The following USP19 variants were observed in gnomAD, a reference collection of about 807,000 sequenced individuals.
USP19 encodes the protein ubiquitin carboxyl-terminal hydrolase 19.
A neutral mutation model predicts 144.8 loss-of-function variants in USP19; 40 were observed. The observed-to-expected ratio is 0.28, with a 90% CI of 0.21 to 0.36. USP19 has a LOEUF of 0.36. USP19 is among the 10% of genes least tolerant of loss of function. The probability of loss-of-function intolerance (pLI) is 1.00; values close to 1 mark genes in which losing one functional copy is unlikely to be tolerated. For synonymous variants in USP19, 701 were observed against 709.3 expected (o/e 0.99, Z 0.19); for missense variants, 1,518 against 1,822.5 (o/e 0.83, Z 3.04).
Position 49,115,549 on chromosome 3 carries a change from A to C in USP19, c.1783T>G (p.Cys595Gly), listed in dbSNP as rs367717554. 7 of 1,613,910 alleles carry C rather than the reference A, an allele frequency of 4.3e-6. No individual in the cohort carries two copies. The highest frequency in any genetic ancestry group is 1.3e-5 in the African/African-American group (1 of 74,916). ...EEEEEEEKKV[C>G]LPGFTGLVNL... ...ACAAGGCCAGTGAAGCCTGGCAGAC[A>C]CACCTTCTTCTCTTCCTCTTCCTCC... Residue 595 changes from cysteine (C) to glycine (G), a missense_variant, in exon 12 of 27, where the codon TGT becomes GGT. By Grantham distance (159) the Cys-to-Gly change is radical. Transcript: ENST00000417901. This position sits in a 1 kb window ranked among gnomAD's most constrained non-coding sequence, Gnocchi z 6.6.
At position 49,111,690 on chromosome 3, in the gene USP19, G is replaced by A. The variant is rs771868836; in HGVS notation, c.3027C>T (p.Asp1009=). 6.3e-7 allele frequency: 1 copy of A among 1,599,152 alleles called. No individual in the cohort carries two copies. Among genetic ancestry groups the A allele is most frequent in the Admixed American group, 1.7e-5 (1 of 58,702 alleles). Residue 1009 remains aspartate (D), a synonymous_variant, in exon 21 of 27, where the codon GAC becomes GAT. Transcript: ENST00000417901. This position sits in a 1 kb window ranked among gnomAD's most constrained non-coding sequence, Gnocchi z 5.9. ...GCTGGAGCTCAGGTGGCTGAATGGG[G>A]TCTCTCTCGCTGTCCCCAGCCTCCA... ...GSLEAGDSER[D]PIQPPELQLV... is the part of the protein sequence containing the mutation.
In USP19 at chr3:49,118,015, C is replaced by T. The variant is rs369661135; in HGVS notation, c.230G>A (p.Arg77His). 9.1e-5 allele frequency: 146 copies of T among 1,604,050 alleles called. No homozygotes were observed. Among genetic ancestry groups the T allele is most frequent in the Admixed American group, 2.5e-4 (14 of 56,462 alleles). ...HAAGITGSRHRTRLFFPSSSG... is the reference protein window; with the variant it reads ...HAAGITGSRHHTRLFFPSSSG... ...CGATGAAGGAAAGAACAGCCGGGTACGGTGGCGTGAGCCTGTGATCCCAGC... is the reference window on the plus strand; with the variant it reads ...CGATGAAGGAAAGAACAGCCGGGTATGGTGGCGTGAGCCTGTGATCCCAGC... Residue 77 changes from arginine to histidine, a missense_variant, in exon 3 of 27, where the codon CGT (arginine) becomes CAT (histidine). Coordinates refer to ENST00000417901, the MANE Select transcript of USP19 (RefSeq NM_001199161.2).
At position 49,109,807 on chromosome 3, in the gene USP19, G is replaced by C. The variant is rs565336225; in HGVS notation, c.4038+377C>G. Among the ~76,000 whole-genome samples the C allele has an allele frequency of 2.0e-5, 3 of 152,344 alleles. No homozygotes were observed. In the East Asian group the frequency reaches 5.8e-4, roughly 29 times the overall value. ...TAGGCCTTGTCTTGAGTGCACACTA[G>C]AACTCAGGGACATCACAAGTGAGGG... On this transcript the variant is annotated intron_variant, in intron 26 of 26. Coordinates refer to ENST00000417901, the MANE Select transcript of USP19 (RefSeq NM_001199161.2).
At position 49,114,618 on chromosome 3, in the gene USP19, C is replaced by T. The variant is rs765396546; in HGVS notation, c.2292+145G>A. 1.1e-6 allele frequency: 1 copy of T among 870,046 alleles called. No homozygotes were observed. Among genetic ancestry groups the T allele is most frequent in the Non-Finnish European group, 1.8e-6 (1 of 564,018 alleles). The allele number at this position is 870,046 out of a possible 1,614,324, so 53.9% of individuals were successfully genotyped here. On this transcript the variant is annotated intron_variant, in intron 15 of 26. Transcript: ENST00000417901. This position sits in a 1 kb window ranked among gnomAD's most constrained non-coding sequence, Gnocchi z 4.5. ...CCTACCCTGAGTGGGCTCTTCAGCCCAAATAGAATCCTAAGGCCTCCCTGC... is the reference window on the plus strand; with the variant it reads ...CCTACCCTGAGTGGGCTCTTCAGCCTAAATAGAATCCTAAGGCCTCCCTGC...
In USP19 at chr3:49,117,576, G is replaced by A; in HGVS notation, c.473-6C>T. 1 of 1,614,124 alleles carries A rather than the reference G, an allele frequency of 6.2e-7. No individual in the cohort carries two copies. Among genetic ancestry groups the A allele is most frequent in the Non-Finnish European group, 8.5e-7 (1 of 1,180,042 alleles). On this transcript the variant is annotated splice_polypyrimidine_tract_variant and splice_region_variant and intron_variant, in intron 4 of 26. Coordinates refer to ENST00000417901, the MANE Select transcript of USP19 (RefSeq NM_001199161.2). This position sits in a 1 kb window ranked among gnomAD's most constrained non-coding sequence, Gnocchi z 4.4. ...ACCACCCCACTGCTGACCACCTGGG[G>A]ACAGAGCAGGGTCCATGAGGTAGGA... is the stretch of plus-strand genomic sequence containing the variant.
rs781398468 is a variant in USP19, at chr3:49,114,063, T to C, written c.2434A>G (p.Thr812Ala). Residue 812 changes from threonine (T) to alanine (A), a missense_variant, in exon 17 of 27, where the codon ACT becomes GCT. This residue lies in a region of USP19 where 413 missense variants were observed against 515.8 expected (regional missense o/e 0.80). Coordinates refer to ENST00000417901, the MANE Select transcript of USP19 (RefSeq NM_001199161.2). The surrounding 1 kb of genome is among the most constrained non-coding windows in gnomAD (Gnocchi z 4.5). ...FLVSVSKENS[T>A]ASEVLDSLSQ... ...AGGGAGTCCAATACTTCGCTCGCAGTGGAGTTCTCCTTGCTGACGCTCACC... is the reference window on the plus strand; with the variant it reads ...AGGGAGTCCAATACTTCGCTCGCAGCGGAGTTCTCCTTGCTGACGCTCACC... 2 of 1,614,212 alleles carry C rather than the reference T, an allele frequency of 1.2e-6. No individual in the cohort carries two copies. Among genetic ancestry groups the C allele is most frequent in the Admixed American group, 1.7e-5 (1 of 60,030 alleles).
rs531970596 is a variant in USP19 at position 49,108,314 on chromosome 3, G to C, written c.*98C>G. ...CATACCCCTCAGCTTCCCATTGACA[G>C]AGCCAGTGTCCTCTGGGTTAGAGAA... is the stretch of plus-strand genomic sequence containing the variant. On this transcript the variant is annotated 3_prime_UTR_variant, in exon 27 of 27. Coordinates refer to ENST00000417901, the MANE Select transcript of USP19 (RefSeq NM_001199161.2). This position sits in a 1 kb window ranked among gnomAD's most constrained non-coding sequence, Gnocchi z 4.8. The C allele has an allele frequency of 5.9e-6, 2 of 340,888 alleles. No individual in the cohort carries two copies. Among genetic ancestry groups the C allele is most frequent in the East Asian group, 6.9e-5 (1 of 14,428 alleles). 21.1% of individuals were successfully genotyped at this position (340,888 alleles called of 1,614,324 possible). A position where few individuals can be genotyped will look rare whatever the true frequency, so the allele number is the denominator to read the frequency against.
chr3:49,110,537 C>T lies in USP19; in HGVS notation c.3766G>A (p.Ala1256Thr). The part of the protein sequence containing the change: ...EEQLPSYDLY[A>T]VINHYGGMIG... ...ATGCCTCCATAGTGGTTGATGACAG[C>T]ATATAGATCGTAGCTGGGCAGCTGC... Residue 1256 changes from alanine (A) to threonine (T), a missense_variant, in exon 25 of 27, where the codon GCT (alanine) becomes ACT (threonine). This residue lies in a region of USP19 where 122 missense variants were observed against 200.4 expected (regional missense o/e 0.61). Coordinates refer to ENST00000417901, the MANE Select transcript of USP19 (RefSeq NM_001199161.2). This position sits in a 1 kb window ranked among gnomAD's most constrained non-coding sequence, Gnocchi z 6.1. 8 of 1,614,116 alleles carry T rather than the reference C, an allele frequency of 5.0e-6. No homozygotes were observed. Among genetic ancestry groups the T allele is most frequent in the Non-Finnish European group, 6.8e-6 (8 of 1,180,036 alleles).
Position 49,114,735 on chromosome 3 carries a change from G to T in USP19, c.2292+28C>A, listed in dbSNP as rs747824222. The stretch of plus-strand genomic sequence containing the variant: ...CCAGAATAGCTGAGCTGAACTAGGG[G>T]GTCTCTTTCCAGGGGAGCCCATCAC... On this transcript the variant is annotated intron_variant, in intron 15 of 26. Coordinates refer to ENST00000417901, the MANE Select transcript of USP19 (RefSeq NM_001199161.2). The surrounding 1 kb of genome is among the most constrained non-coding windows in gnomAD (Gnocchi z 4.5). 139 of 1,608,194 alleles carry T rather than the reference G, an allele frequency of 8.6e-5. 1 individual carries two copies. The highest frequency in any genetic ancestry group is 2.0e-5 in the Non-Finnish European group (24 of 1,174,962).
In USP19 at chr3:49,117,643, G is replaced by A. The variant is rs1560041729; in HGVS notation, c.472+14C>T. 1.2e-6 allele frequency: 2 copies of A among 1,614,108 alleles called. No individual in the cohort carries two copies. Among genetic ancestry groups the A allele is most frequent in the Admixed American group, 3.3e-5 (2 of 60,020 alleles). ...ATTCAAACATACTACTGTGCTCAGG[G>A]CAGATGGACACACCTGCAAACCGCA... On this transcript the variant is annotated intron_variant, in intron 4 of 26. Transcript: ENST00000417901. The surrounding 1 kb of genome is among the most constrained non-coding windows in gnomAD (Gnocchi z 4.4).
Position 49,108,553 on chromosome 3 carries a change from G to A in USP19, c.4039-25C>T, listed in dbSNP as rs1309224341. 8.1e-7 allele frequency: 1 copy of A among 1,240,518 alleles called. No homozygotes were observed. Among genetic ancestry groups the A allele is most frequent in the Non-Finnish European group, 1.0e-6 (1 of 969,380 alleles). 76.8% of individuals were successfully genotyped at this position (1,240,518 alleles called of 1,614,324 possible). On this transcript the variant is annotated intron_variant, in intron 26 of 26. Coordinates refer to ENST00000417901, the MANE Select transcript of USP19 (RefSeq NM_001199161.2). The surrounding 1 kb of genome is among the most constrained non-coding windows in gnomAD (Gnocchi z 4.8). ...CCTGCAACAGAATACGAGGACAGGG[G>A]TTGGGGGCTGCCCAGCATGCCGCCT...
Position 49,114,731 on chromosome 3 carries a change from A to AGGG in USP19, c.2292+29_2292+31dup, listed in dbSNP as rs1261121888. ...GTGACCAGAATAGCTGAGCTGAACT[A>AGGG]GGGGGTCTCTTTCCAGGGGAGCCCA... On this transcript the variant is annotated intron_variant, in intron 15 of 26. Coordinates refer to ENST00000417901, the MANE Select transcript of USP19 (RefSeq NM_001199161.2). The surrounding 1 kb of genome is among the most constrained non-coding windows in gnomAD (Gnocchi z 4.5). 1 of 1,607,154 alleles carries AGGG rather than the reference A, an allele frequency of 6.2e-7. No homozygotes were observed. The highest frequency in any genetic ancestry group is 1.3e-5 in the African/African-American group (1 of 74,786).
Position 49,117,414 on chromosome 3 carries a change from A to G in USP19, c.606+23T>C. ...GTCGACTACACTGGTATCCCTACCC[A>G]ACCCTGTACTACTAGAACTCACCAG... On this transcript the variant is annotated intron_variant, in intron 5 of 26. Transcript: ENST00000417901. This position sits in a 1 kb window ranked among gnomAD's most constrained non-coding sequence, Gnocchi z 4.4. 1 of 1,613,412 alleles carries G rather than the reference A, an allele frequency of 6.2e-7. No homozygotes were observed. Among genetic ancestry groups the G allele is most frequent in the Non-Finnish European group, 8.5e-7 (1 of 1,179,468 alleles).
Position 49,115,421 on chromosome 3 carries a change from C to G in USP19, c.1888+23G>C. The G allele has an allele frequency of 6.2e-7, 1 of 1,613,774 alleles. No individual in the cohort carries two copies. On this transcript the variant is annotated intron_variant, in intron 12 of 26. Coordinates refer to ENST00000417901, the MANE Select transcript of USP19 (RefSeq NM_001199161.2). This position sits in a 1 kb window ranked among gnomAD's most constrained non-coding sequence, Gnocchi z 6.6. ...AAAGGCACTCTCTCTGCCCATAACC[C>G]AGGCTCCAGGCCCTGCCCTCACCAT...
Position 49,108,914 on chromosome 3 carries a change from G to C in USP19, c.4039-386C>G, listed in dbSNP as rs1238332121. On this transcript the variant is annotated intron_variant, in intron 26 of 26. Coordinates refer to ENST00000417901, the MANE Select transcript of USP19 (RefSeq NM_001199161.2). This position sits in a 1 kb window ranked among gnomAD's most constrained non-coding sequence, Gnocchi z 4.8. ...CACAACAAAGGCAGGCATGGCCTGG[G>C]GCAGGCAGGTAGGCCAGCTCACAGC... 1 of 1,570,402 alleles carries C rather than the reference G, an allele frequency of 6.4e-7. No homozygotes were observed. The highest frequency in any genetic ancestry group is 8.6e-7 in the Non-Finnish European group (1 of 1,156,778).
In USP19 at chr3:49,108,797, C is replaced by T; in HGVS notation, c.4039-269G>A. The T allele has an allele frequency of 1.4e-6, 2 of 1,437,350 alleles. No individual in the cohort carries two copies. The highest frequency in any genetic ancestry group is 1.8e-6 in the Non-Finnish European group (2 of 1,097,640). The allele number at this position is 1,437,350 out of a possible 1,614,324, so 89.0% of individuals were successfully genotyped here. ...GGACAGACAGCCAGATGGATACACA[C>T]CCTAGGATACTCTGCCCCTGCAGGG... On this transcript the variant is annotated intron_variant, in intron 26 of 26. Coordinates refer to ENST00000417901, the MANE Select transcript of USP19 (RefSeq NM_001199161.2). The surrounding 1 kb of genome is among the most constrained non-coding windows in gnomAD (Gnocchi z 4.8).
Position 49,116,621 on chromosome 3 carries a change from A to G in USP19, c.1127-14T>C, listed in dbSNP as rs763868656. 18 of 1,613,994 alleles carry G rather than the reference A, an allele frequency of 1.1e-5. No homozygotes were observed. Among genetic ancestry groups the G allele is most frequent in the Non-Finnish European group, 1.4e-5 (16 of 1,180,000 alleles). ...TCGACTCGGGCTCTATATTGAGACC[A>G]TGGCTCAGCCCCAACCAGGACAGGT... On this transcript the variant is annotated splice_polypyrimidine_tract_variant and intron_variant, in intron 7 of 26. Coordinates refer to ENST00000417901, the MANE Select transcript of USP19 (RefSeq NM_001199161.2). The surrounding 1 kb of genome is among the most constrained non-coding windows in gnomAD (Gnocchi z 5.0).
At position 49,116,551 on chromosome 3, in the gene USP19, G is replaced by A. The variant is rs1472015434; in HGVS notation, c.1183C>T (p.Pro395Ser). 2 of 1,614,146 alleles carry A rather than the reference G, an allele frequency of 1.2e-6. No individual in the cohort carries two copies. Among genetic ancestry groups the A allele is most frequent in the Admixed American group, 1.7e-5 (1 of 60,016 alleles). ...FVKNDSYEKGPDSVVVHVYVK... is the reference protein window; with the variant it reads ...FVKNDSYEKGSDSVVVHVYVK... ...TACACGTGCACCACCACTGAATCCG[G>A]GCCCTTCTCATACGAGTCATTCTTG... is the stretch of plus-strand genomic sequence containing the variant. Residue 395 changes from proline to serine, a missense_variant, in exon 8 of 27, where the codon CCG (proline) becomes TCG (serine). This residue lies in a region of USP19 where 707 missense variants were observed against 728.9 expected (regional missense o/e 0.97). Coordinates refer to ENST00000417901, the MANE Select transcript of USP19 (RefSeq NM_001199161.2). The surrounding 1 kb of genome is among the most constrained non-coding windows in gnomAD (Gnocchi z 5.0).
rs2043654328 is a variant in USP19, at chr3:49,114,022, A to G, written c.2475T>C (p.His825=). The change falls in exon 17 of 27, where the codon CAT becomes CAC. Residue 825 remains histidine, a synonymous_variant. Coordinates refer to ENST00000417901, the MANE Select transcript of USP19 (RefSeq NM_001199161.2). This position sits in a 1 kb window ranked among gnomAD's most constrained non-coding sequence, Gnocchi z 4.5. ...CCAAACGCAGGTTCTCAGGCTTCAC[A>G]TGAACACTCTGAGAGAGGGAGTCCA... ...EVLDSLSQSV[H]VKPENLRLAE... The G allele has an allele frequency of 2.5e-6, 4 of 1,614,240 alleles. No individual in the cohort carries two copies. The East Asian group carries it at 6.7e-5, about 27-fold the overall frequency.
Sources: gnomAD v4.1 joint callset for allele counts (sites outside exome capture counted in the v4.1 genomes callset) on GRCh38, gnomAD v4.1.1 for gene constraint, gnomAD v4.1.1 regional missense constraint, Gnocchi (gnomAD v3.1) non-coding constraint, MANE v1.5 for transcripts, NCBI Gene and HGNC (gene_info 2026-07-23, HGNC 2026-07-21) for gene names.